The following EPHB1 variants were observed in gnomAD, a reference collection of about 807,000 sequenced individuals.
EPHB1 encodes ephrin type-B receptor 1.
A neutral mutation model predicts 94.4 loss-of-function variants in EPHB1; 30 were observed. That is an observed-to-expected ratio of 0.32 (90% CI 0.24 to 0.43). The LOEUF (loss-of-function observed/expected upper bound fraction) is 0.43. Ranked by LOEUF, EPHB1 falls within the 20% of genes least tolerant of loss-of-function variation. The pLI, the probability that EPHB1 is intolerant of heterozygous loss-of-function variation, is 1.00. For synonymous variants in EPHB1, 522 were observed against 489.1 expected, an observed-to-expected ratio of 1.07 and a Z score of -0.89; for missense variants, 1,055 against 1,308.3, an observed-to-expected ratio of 0.81 and a Z score of 2.99.
At position 134,821,440 on chromosome 3, in the gene EPHB1, TAA is replaced by T. The variant is rs11449440; in HGVS notation, c.58+25762_58+25763del. On this transcript the variant is annotated intron_variant, in intron 1 of 15. Coordinates refer to ENST00000398015, the MANE Select transcript of EPHB1 (RefSeq NM_004441.5). ...AAAAATAAAAATGATAGTAAAATGG[TAA>T]AAAAAAAAAATACCCAGGCAATTAA... Among the ~76,000 whole-genome samples the T allele has an allele frequency of 9.9e-3, 1,402 of 142,228 alleles. 23 individuals are homozygous for T. Among genetic ancestry groups the T allele is most frequent in the African/African-American group, 0.033 (1,326 of 39,848 alleles). The allele number at this position is 142,228 out of a possible 152,430, so 93.3% of individuals were successfully genotyped here.
At chr3:135,024,073 G>C (rs879501991) in intron 3 of EPHB1, among the ~76,000 whole-genome samples, 47 of 152,166 alleles carry the variant, frequency 3.1e-4, no homozygotes, top group Non-Finnish European at 5.4e-4. Flanking sequence ...AGCTCTTCCA[G>C]ACACCACCAA....
chr3:135,127,443 T>C (rs7626314), intron 4 of EPHB1, among the ~76,000 whole-genome samples: 50,810 of 151,926 alleles, frequency 0.33, 8,903 homozygotes, highest in East Asian at 0.58. Context: ...GTTGCCACCT[T>C]CACCATCACC....
chr3:134,882,658 C>CTCCTTCCT (rs146478163), intron 1 of EPHB1, among the ~76,000 whole-genome samples: 1 of 148,366 alleles, frequency 6.7e-6, no homozygotes, highest in African/African-American at 2.5e-5. Context: ...CAATCTTTCT[C>CTCCTTCCT]TCCTTCCTTC....
intron 3 of EPHB1, among the ~76,000 whole-genome samples, chr3:135,008,135 G>C (rs1025979106): frequency 5.3e-5 from 8 of 152,164 alleles, no homozygotes; most frequent in African/African-American, 1.7e-4. Flanking sequence ...AACTAGATGG[G>C]GGCATGCAGG....
intron 12 of EPHB1, among the ~76,000 whole-genome samples, chr3:135,236,648 C>T (rs182739466): frequency 3.4e-4 from 52 of 152,252 alleles, no homozygotes; most frequent in African/African-American, 1.1e-3. Flanking sequence ...ATGATACACT[C>T]GGCCATGAAC....
chr3:134,983,015 C>T (rs533796658), intron 3 of EPHB1, among the ~76,000 whole-genome samples: 58 of 152,318 alleles, frequency 3.8e-4, no homozygotes, highest in African/African-American at 1.4e-3. Context: ...TCTGCAATCC[C>T]ATGCTGTTCT....
intron 12 of EPHB1, among the ~76,000 whole-genome samples, chr3:135,203,946 G>GA (rs1466694815): frequency 1.3e-5 from 2 of 152,074 alleles, no homozygotes; most frequent in Non-Finnish European, 2.9e-5. Context: ...CTTCAACAAT[G>GA]AAAAATGATG....
chr3:135,113,759 T>C (rs1469462229), intron 4 of EPHB1, among the ~76,000 whole-genome samples: 1 of 152,208 alleles, frequency 6.6e-6, no homozygotes, highest in Non-Finnish European at 1.5e-5. Context: ...CCCATCTTTT[T>C]AAAATTATCT....
At chr3:134,890,940 G>T (rs909685823) in intron 1 of EPHB1, among the ~76,000 whole-genome samples, 3 of 152,024 alleles carry the variant, frequency 2.0e-5, no homozygotes, top group Non-Finnish European at 4.4e-5. Context: ...AAGACAGATT[G>T]CCAGTTAATT....
At chr3:135,253,450 C>G (rs1245930313) in intron 15 of EPHB1, among the ~76,000 whole-genome samples, 2 of 150,476 alleles carry the variant, frequency 1.3e-5, no homozygotes, top group Non-Finnish European at 3.0e-5. Context: ...GTTTTCCCAG[C>G]ACCATTTATT....
intron 1 of EPHB1, among the ~76,000 whole-genome samples, chr3:134,860,374 C>T (rs2037228104): frequency 6.6e-6 from 1 of 152,190 alleles, no homozygotes; most frequent in South Asian, 2.1e-4. Flanking sequence ...AAGGGGCCAT[C>T]TGTTCCTAGG....
chr3:134,825,147 C>T (rs973601585), intron 1 of EPHB1, among the ~76,000 whole-genome samples: 14 of 152,230 alleles, frequency 9.2e-5, no homozygotes, highest in Admixed American at 6.5e-5. Flanking sequence ...TCAGTGGTCA[C>T]AGTCCTGGCA....
At chr3:134,840,412 A>G (rs1289734967) in intron 1 of EPHB1, 2 of 152,192 alleles carry the variant, frequency 1.3e-5, no homozygotes, top group Non-Finnish European at 2.9e-5. Context: ...AAAAATCCCC[A>G]ATTTTTAAAT....
At chr3:134,803,962 T>C (rs1008561773) in intron 1 of EPHB1, among the ~76,000 whole-genome samples, 1 of 151,978 alleles carries the variant, frequency 6.6e-6, no homozygotes, top group Admixed American at 6.6e-5. Flanking sequence ...TCCCACCTGT[T>C]CCACAGCTGG....
intron 3 of EPHB1, among the ~76,000 whole-genome samples, chr3:135,094,531 CT>C (rs1175257966): frequency 6.6e-6 from 1 of 152,190 alleles, no homozygotes; most frequent in Non-Finnish European, 1.5e-5. Flanking sequence ...CCATTCTATT[CT>C]GAGGCAGGCA....
chr3:134,804,823 G>T (rs761799452), intron 1 of EPHB1, among the ~76,000 whole-genome samples: 4 of 152,180 alleles, frequency 2.6e-5, no homozygotes, highest in Admixed American at 2.0e-4. Flanking sequence ...AAGAACATGT[G>T]GGGGGATGTT....
intron 12 of EPHB1, among the ~76,000 whole-genome samples, chr3:135,236,262 A>C (rs2107726207): frequency 6.6e-6 from 1 of 151,954 alleles, no homozygotes; most frequent in East Asian, 1.9e-4. Flanking sequence ...CATCACCCCA[A>C]TCTCTGCCTC....
intron 3 of EPHB1, among the ~76,000 whole-genome samples, chr3:134,972,280 T>G (rs1384969638): frequency 1.3e-5 from 2 of 151,532 alleles, no homozygotes; most frequent in African/African-American, 4.8e-5. Context: ...TGGGGCTTCT[T>G]AACTGTACAG....
chr3:134,831,569 T>C (rs533369104), intron 1 of EPHB1, among the ~76,000 whole-genome samples: 7 of 152,310 alleles, frequency 4.6e-5, no homozygotes, highest in Admixed American at 4.6e-4. Context: ...AACATCTCCA[T>C]AGAAGTTCCC....
Sources: gnomAD v4.1 joint callset for allele counts (sites outside exome capture counted in the v4.1 genomes callset) on GRCh38, gnomAD v4.1.1 for gene constraint, MANE v1.5 for transcripts, NCBI Gene and HGNC (gene_info 2026-07-23, HGNC 2026-07-21) for gene names.